LYPLAL1: variants seen among roughly 807,000 people sequenced by gnomAD.
LYPLAL1 encodes the protein lysophospholipase like 1.
LYPLAL1 carries 23 observed loss-of-function variants against 19.7 expected under a neutral mutation model. The ratio of observed to expected loss-of-function variants is 1.17; its 90% CI spans 0.84 to 1.65. The LOEUF (loss-of-function observed/expected upper bound fraction) is 1.65, where lower values mean the gene tolerates loss of function less well. Among genes scored for constraint, LYPLAL1 ranks in the 40% most tolerant of loss-of-function variants. The probability of loss-of-function intolerance (pLI) is 0.00; values close to 1 mark genes in which losing one functional copy is unlikely to be tolerated. For synonymous variants in LYPLAL1, 119 were observed against 96.3 expected (o/e 1.24, Z -1.38); for missense variants, 355 against 279.4 (o/e 1.27, Z -1.93).
intron 2 of LYPLAL1, 62 bp downstream of exon 2, chr1:219,179,308 A>C (rs1656071890): frequency 6.8e-6 from 8 of 1,170,606 alleles, no homozygotes; most frequent in Non-Finnish European, 1.0e-5. Context: ...ATATAGAGAG[A>C]TGTGCCAGCT....
the LYPLAL1 span, among the ~76,000 whole-genome samples, chr1:219,236,088 TAAAAA>T: frequency 6.6e-6 from 1 of 151,986 alleles, no homozygotes; most frequent in Non-Finnish European, 1.5e-5. Context: ...ACATTAAAAA[TAAAAA>T]AAGGAAAATG....
chr1:219,425,986 C>T, the LYPLAL1 span, among the ~76,000 whole-genome samples: 1 of 152,202 alleles, frequency 6.6e-6, no homozygotes, highest in African/African-American at 2.4e-5. Flanking sequence ...TTCTAAAGAA[C>T]CAACTAAAAA....
chr1:219,234,139 A>G, the LYPLAL1 span, among the ~76,000 whole-genome samples: 1 of 152,232 alleles, frequency 6.6e-6, no homozygotes, highest in South Asian at 2.1e-4. Flanking sequence ...TATAAACCTT[A>G]TAAGATCATT....
At chr1:219,408,633 G>A in the LYPLAL1 span, among the ~76,000 whole-genome samples, 7 of 152,124 alleles carry the variant, frequency 4.6e-5, no homozygotes, top group East Asian at 1.4e-3. Context: ...GGTGGTTCGA[G>A]GTGAGGGAGA....
chr1:219,263,323 G>A, the LYPLAL1 span, among the ~76,000 whole-genome samples: 1 of 152,118 alleles, frequency 6.6e-6, no homozygotes. Flanking sequence ...CAGCTGGTGA[G>A]GCCAGTCTCA....
At chr1:219,263,249 A>G in the LYPLAL1 span, among the ~76,000 whole-genome samples, 2 of 152,038 alleles carry the variant, frequency 1.3e-5, no homozygotes, top group East Asian at 3.9e-4. Flanking sequence ...CTTCTGCTTC[A>G]TTGTATATGT....
the LYPLAL1 span, among the ~76,000 whole-genome samples, chr1:219,256,061 C>T: frequency 5.3e-5 from 8 of 151,616 alleles, no homozygotes; most frequent in South Asian, 1.5e-3. Context: ...TCAGATTTTT[C>T]TATCAAAGTT....
At chr1:219,415,873 T>C in the LYPLAL1 span, among the ~76,000 whole-genome samples, 1 of 152,222 alleles carries the variant, frequency 6.6e-6, no homozygotes, top group Non-Finnish European at 1.5e-5. Context: ...ATCACTTCAA[T>C]CTCTTCCTGT....
the LYPLAL1 span, among the ~76,000 whole-genome samples, chr1:219,401,096 T>A: frequency 1.3e-5 from 2 of 152,060 alleles, no homozygotes; most frequent in Non-Finnish European, 2.9e-5. Context: ...TATAGTGGGG[T>A]TAGTTAACAT....
At chr1:219,260,334 A>C in the LYPLAL1 span, among the ~76,000 whole-genome samples, 1 of 151,850 alleles carries the variant, frequency 6.6e-6, no homozygotes, top group Admixed American at 6.6e-5. Flanking sequence ...GATAAAAGGC[A>C]AATACGAAGA....
chr1:219,396,893 T>C, the LYPLAL1 span, among the ~76,000 whole-genome samples: 1 of 152,186 alleles, frequency 6.6e-6, no homozygotes, highest in African/African-American at 2.4e-5. Context: ...TCTTCCTACT[T>C]GGATGCCTTT....
At chr1:219,250,034 T>C in the LYPLAL1 span, among the ~76,000 whole-genome samples, 1 of 152,108 alleles carries the variant, frequency 6.6e-6, no homozygotes, top group Admixed American at 6.6e-5. Context: ...TTTAAGCCAA[T>C]TTATTAATTT....
chr1:219,183,058 C>A (rs1656427663), intron 2 of LYPLAL1, among the ~76,000 whole-genome samples: 2 of 152,104 alleles, frequency 1.3e-5, no homozygotes, highest in South Asian at 4.1e-4. Flanking sequence ...GCCTCACCAG[C>A]AGTATTCAAG....
chr1:219,395,146 G>A, the LYPLAL1 span, among the ~76,000 whole-genome samples: 5 of 152,174 alleles, frequency 3.3e-5, no homozygotes, highest in Non-Finnish European at 7.3e-5. Context: ...ACCCAGTAAT[G>A]GGATTGCTGG....
the LYPLAL1 span, among the ~76,000 whole-genome samples, chr1:219,400,213 C>A: frequency 6.6e-6 from 1 of 152,090 alleles, no homozygotes; most frequent in Non-Finnish European, 1.5e-5. Context: ...TGATGAAGAT[C>A]TGTTAGGAGT....
chr1:219,369,745 G>A, the LYPLAL1 span, among the ~76,000 whole-genome samples: 1 of 152,102 alleles, frequency 6.6e-6, no homozygotes, highest in African/African-American at 2.4e-5. Context: ...TAGATGCTAG[G>A]GATACAAACA....
At chr1:219,316,029 TCAAAGATC>T in the LYPLAL1 span, among the ~76,000 whole-genome samples, 1 of 152,130 alleles carries the variant, frequency 6.6e-6, no homozygotes, top group African/African-American at 2.4e-5. Context: ...CAAACCTATC[TCAAAGATC>T]CAATAATATT....
At chr1:219,292,759 G>A in the LYPLAL1 span, among the ~76,000 whole-genome samples, 1 of 152,142 alleles carries the variant, frequency 6.6e-6, no homozygotes, top group Admixed American at 6.5e-5. Flanking sequence ...TTCTAATCAC[G>A]TAAGAAGGTT....
the LYPLAL1 span, chr1:219,222,772 AG>A: frequency 6.6e-6 from 1 of 152,184 alleles, no homozygotes; most frequent in Non-Finnish European, 1.5e-5. Context: ...TTAATTGATA[AG>A]GAAGTCCAAG....
Sources: gnomAD v4.1 joint callset for allele counts (sites outside exome capture counted in the v4.1 genomes callset) on GRCh38, gnomAD v4.1.1 for gene constraint, MANE v1.5 for transcripts, NCBI Gene and HGNC (gene_info 2026-07-23, HGNC 2026-07-21) for gene names.